ATP12A: variants seen among roughly 807,000 people sequenced by gnomAD.
ATP12A encodes the protein ATPase H+/K+ transporting non-gastric alpha2 subunit, also known as potassium-transporting ATPase alpha chain 2.
A neutral mutation model predicts 111.2 loss-of-function variants in ATP12A; 81 were observed. That is an observed-to-expected ratio of 0.73 (90% CI 0.61 to 0.88). The LOEUF (loss-of-function observed/expected upper bound fraction) is 0.88. Among genes scored for constraint, ATP12A ranks in the 40% least tolerant of loss-of-function variants. The pLI is 0.00. For synonymous variants in ATP12A, 498 were observed against 499.8 expected, an observed-to-expected ratio of 1.00 and a Z score of 0.05; for missense variants, 1,196 against 1,313.1, an observed-to-expected ratio of 0.91 and a Z score of 1.38.
chr13:24,688,317 A>G lies in ATP12A; in HGVS notation c.229-2A>G. 1 of 1,606,324 alleles carries G rather than the reference A, an allele frequency of 6.2e-7. No individual in the cohort carries two copies. The highest frequency in any genetic ancestry group is 1.1e-5 in the South Asian group (1 of 89,878). ...TGCATGTGCTTTGTTTGGCTTTCCC[A>G]GGGTCTCTCCAGCACCAGAGCTGCC... On this transcript the variant is annotated splice_acceptor_variant, in intron 3 of 22. Transcript: ENST00000381946. LOFTEE classifies it high-confidence loss of function.
At chr13:24,682,252 G>A (rs1874500343) in intron 2 of ATP12A, among the ~76,000 whole-genome samples, 2 of 132,182 alleles carry the variant, frequency 1.5e-5, no homozygotes, top group Admixed American at 1.5e-4. Context: ...TGGTGTGTGT[G>A]TAGCGTGTGG....
At chr13:24,701,501 C>CAAAAAAAA (rs10586421) in intron 13 of ATP12A, among the ~76,000 whole-genome samples, 2 of 101,298 alleles carry the variant, frequency 2.0e-5, no homozygotes, top group Admixed American at 1.0e-4. Flanking sequence ...AACTCTGTCT[C>CAAAAAAAA]AAAAAAAAAA....
chr13:24,692,226 A>G (rs1566071941), intron 8 of ATP12A, among the ~76,000 whole-genome samples: 2 of 152,100 alleles, frequency 1.3e-5, no homozygotes, highest in African/African-American at 4.8e-5. Flanking sequence ...TTTAATCTTT[A>G]AAAAAGGATT....
At chr13:24,708,637 G>A (rs1014792822) in intron 17 of ATP12A, among the ~76,000 whole-genome samples, 3 of 152,020 alleles carry the variant, frequency 2.0e-5, no homozygotes, top group African/African-American at 7.3e-5. Context: ...CTACTCAGGA[G>A]GCCAATGCAG....
chr13:24,711,266 G>A, intron 21 of ATP12A, 52 bp from the exon 22 acceptor site: 1 of 1,507,946 alleles, frequency 6.6e-7, no homozygotes, highest in South Asian at 1.2e-5. Context: ...GGGCAGGGTT[G>A]GGCTATCCCT....
chr13:24,682,746 C>T (rs1874528344), intron 2 of ATP12A, among the ~76,000 whole-genome samples: 1 of 152,146 alleles, frequency 6.6e-6, no homozygotes, highest in East Asian at 1.9e-4. Context: ...GACCTCGGGC[C>T]CCATCAGAGT....
intron 17 of ATP12A, among the ~76,000 whole-genome samples, chr13:24,708,886 GAGAA>G (rs200280838): frequency 0.058 from 5,283 of 91,680 alleles, 184 homozygotes; most frequent in South Asian, 0.13. Context: ...GAGAGAGAAA[GAGAA>G]AGAAAGAAAG....
At position 24,710,843 on chromosome 13, in the gene ATP12A, C is replaced by A. The variant is rs1241697672; in HGVS notation, c.2949C>A (p.Ile983=). 1 of 1,614,196 alleles carries A rather than the reference C, an allele frequency of 6.2e-7. No individual in the cohort carries two copies. The highest frequency in any genetic ancestry group is 8.5e-7 in the Non-Finnish European group (1 of 1,180,042). The part of the protein sequence containing the change: ...GITSQIIIGL[I]LSYGLGSVTA... ...CCTCACAGATCATCATTGGTCTGATCCTCTCCTATGGCCTCGGAAGTGTCA... is the reference window on the plus strand; with the variant it reads ...CCTCACAGATCATCATTGGTCTGATACTCTCCTATGGCCTCGGAAGTGTCA... The change falls in exon 21 of 23, where the codon ATC becomes ATA. Residue 983 remains isoleucine (I), a synonymous_variant. Transcript: ENST00000381946.
chr13:24,689,829 T>A (rs532824316), intron 5 of ATP12A, among the ~76,000 whole-genome samples: 1 of 152,246 alleles, frequency 6.6e-6, no homozygotes, highest in East Asian at 1.9e-4. Flanking sequence ...CAGAGAACTG[T>A]GGGCTGGAGA....
In ATP12A at chr13:24,689,492, A is replaced by C. The variant is rs1196794726; in HGVS notation, c.546+117A>C. ...TTTCCACTTCCTTCCCTGTCGGAGC[A>C]ATCGTGGGCGAATTAACCCATCTGT... is the stretch of plus-strand genomic sequence containing the variant. On this transcript the variant is annotated intron_variant, in intron 5 of 22. Coordinates refer to ENST00000381946, the MANE Select transcript of ATP12A (RefSeq NM_001676.7). The C allele has an allele frequency of 4.7e-6, 4 of 845,516 alleles. No homozygotes were observed. In the African/African-American group the frequency reaches 6.7e-5, roughly 14 times the overall value. The allele number at this position is 845,516 out of a possible 1,614,324, so 52.4% of individuals were successfully genotyped here.
intron 14 of ATP12A, among the ~76,000 whole-genome samples, chr13:24,705,401 C>T (rs1244848791): frequency 2.0e-5 from 3 of 152,184 alleles, no homozygotes; most frequent in Non-Finnish European, 2.9e-5. Context: ...GGGTCTGCTC[C>T]AAGCACGGTG....
chr13:24,692,713 G>A, intron 9 of ATP12A, 74 bp from the exon 10 acceptor site: 1 of 1,598,936 alleles, frequency 6.3e-7, no homozygotes, highest in Non-Finnish European at 8.6e-7. Flanking sequence ...TCTGCAGCCA[G>A]AGGATTGCTG....
chr13:24,695,600 CT>C (rs34227271), intron 11 of ATP12A, among the ~76,000 whole-genome samples: 4,347 of 88,324 alleles, frequency 0.049, 96 homozygotes, highest in East Asian at 0.16. Flanking sequence ...GGGAAGAACT[CT>C]TTTTTTTTTT....
At position 24,708,964 on chromosome 13, in the gene ATP12A, G is replaced by GGAAGGAAGAAAGAAAGAAA. The variant is rs1566078418; in HGVS notation, c.2494-397_2494-396insGGAAGAAAGAAAGAAAGAA. Among the ~76,000 whole-genome samples, 60 of 114,820 alleles carry GGAAGGAAGAAAGAAAGAAA rather than the reference G, an allele frequency of 5.2e-4. 2 individuals carry two copies. The highest frequency in any genetic ancestry group is 1.2e-3 in the African/African-American group (38 of 30,420). 75.3% of individuals were successfully genotyped at this position (114,820 alleles called of 152,430 possible). ...AAGAAAGAAAGAAAGAAAGAAAGAAGGAAAGAGAAAGAGAAATGAATGCAA... is the reference window on the plus strand; with the variant it reads ...AAGAAAGAAAGAAAGAAAGAAAGAAGGAAGGAAGAAAGAAAGAAAGAAAGAGAAAGAGAAATGAATGCAA... On this transcript the variant is annotated intron_variant, in intron 17 of 22. Coordinates refer to ENST00000381946, the MANE Select transcript of ATP12A (RefSeq NM_001676.7).
At position 24,698,770 on chromosome 13, in the gene ATP12A, A is replaced by T. The variant is rs745533727; in HGVS notation, c.1625A>T (p.Glu542Val). ...AGCACCATCATGATCAACGGCGAGGAGCACCCACTGGACAAGAGCACTGCC... is the reference window on the plus strand; with the variant it reads ...AGCACCATCATGATCAACGGCGAGGTGCACCCACTGGACAAGAGCACTGCC... The part of the protein sequence containing the change: ...KCSTIMINGE[E>V]HPLDKSTAKT... Residue 542 changes from glutamate to valine, a missense_variant, in exon 12 of 23, where the codon GAG becomes GTG. Physicochemically the swap from Glu to Val is moderately radical, Grantham distance 121. Around this residue, in one of 3 missense-constraint regions of ATP12A, gnomAD observed 1,126 missense variants for 1,228.5 expected, o/e 0.92. Transcript: ENST00000381946. 6.2e-7 allele frequency: 1 copy of T among 1,614,058 alleles called. No homozygotes were observed. Among genetic ancestry groups the T allele is most frequent in the East Asian group, 2.2e-5 (1 of 44,834 alleles).
intron 3 of ATP12A, among the ~76,000 whole-genome samples, chr13:24,688,117 C>G (rs1352027058): frequency 1.3e-5 from 2 of 152,148 alleles, no homozygotes; most frequent in Admixed American, 1.3e-4. Context: ...CAGTGCCTGG[C>G]TGGTATTAAG....
At position 24,685,225 on chromosome 13, in the gene ATP12A, A is replaced by G; in HGVS notation, c.169-89A>G. ...ATCCCCTCCCATCCTCAGGGCTGCT[A>G]CTCCCAGCTTCCATGGCTGGTCAAA... On this transcript the variant is annotated intron_variant, in intron 2 of 22. Coordinates refer to ENST00000381946, the MANE Select transcript of ATP12A (RefSeq NM_001676.7). The surrounding 1 kb of genome is among the most constrained non-coding windows in gnomAD (Gnocchi z 5.5). The G allele has an allele frequency of 1.6e-6, 2 of 1,251,148 alleles. No individual in the cohort carries two copies. The highest frequency in any genetic ancestry group is 2.4e-5 in the South Asian group (2 of 82,840). The allele number at this position is 1,251,148 out of a possible 1,614,324, so 77.5% of individuals were successfully genotyped here.
At chr13:24,691,632 CTT>C (rs1373032370) in intron 8 of ATP12A, among the ~76,000 whole-genome samples, 1 of 125,834 alleles carries the variant, frequency 7.9e-6, no homozygotes, top group East Asian at 3.8e-4. Flanking sequence ...ACTTACCTCT[CTT>C]ACGAAAAAAA....
intron 11 of ATP12A, among the ~76,000 whole-genome samples, chr13:24,694,872 C>G (rs895908130): frequency 4.6e-5 from 7 of 152,006 alleles, no homozygotes; most frequent in Non-Finnish European, 1.0e-4. Flanking sequence ...CACACACACA[C>G]ACACACACAC....
Sources: gnomAD v4.1 joint callset for allele counts (sites outside exome capture counted in the v4.1 genomes callset) on GRCh38, gnomAD v4.1.1 for gene constraint, gnomAD v4.1.1 regional missense constraint, Gnocchi (gnomAD v3.1) non-coding constraint, MANE v1.5 for transcripts, NCBI Gene and HGNC (gene_info 2026-07-23, HGNC 2026-07-21) for gene names.